PDK3: variants seen among roughly 807,000 people sequenced by gnomAD.
The protein encoded by PDK3 is pyruvate dehydrogenase kinase 3.
In PDK3, 12 loss-of-function variants were observed where a neutral mutation model predicts 32.0. The ratio of observed to expected loss-of-function variants is 0.37; its 90% CI spans 0.24 to 0.61. The LOEUF is 0.61. Ranked by LOEUF, PDK3 falls within the 20% of genes least tolerant of loss-of-function variation. PDK3 has a pLI of 0.65. For missense variants in PDK3, 188 were observed against 316.9 expected, an observed-to-expected ratio of 0.59 and a Z score of 3.09; for synonymous variants, 122 against 116.3, an observed-to-expected ratio of 1.05 and a Z score of -0.31.
intron 6 of PDK3, among the ~76,000 whole-genome samples, chrX:24,522,098 T>G (rs1412422173): frequency 1.8e-5 from 2 of 112,224 alleles, no homozygotes; most frequent in Admixed American, 1.9e-4. Flanking sequence ...TGGTATTTCT[T>G]AAATGCTGTT....
chrX:24,465,696 G>A, intron 1 of PDK3, 135 bp downstream of exon 1: 2 of 499,214 alleles, frequency 4.0e-6, no homozygotes, highest in Admixed American at 3.9e-5. Flanking sequence ...GGGCTCTCCT[G>A]GGGCTCGGAT....
At chrX:24,526,530 C>G (rs1419022775) in intron 7 of PDK3, among the ~76,000 whole-genome samples, 2 of 111,693 alleles carry the variant, frequency 1.8e-5, no homozygotes, top group East Asian at 5.5e-4. Flanking sequence ...TATGTAAAAT[C>G]CATACTGTTT....
downstream of PDK3, among the ~76,000 whole-genome samples, chrX:24,537,651 A>T (rs1922809744): frequency 9.0e-6 from 1 of 111,544 alleles, no homozygotes; most frequent in Admixed American, 9.5e-5. Context: ...TATTATCCTG[A>T]AAACCTTGAT....
At chrX:24,550,336 T>A (rs770487980) in exon 12 of PDK3, 180 of 112,288 alleles carry the variant, frequency 1.6e-3, no homozygotes, top group African/African-American at 5.4e-3. Flanking sequence ...CAGAGAAGCA[T>A]GTGACTCAGA....
chrX:24,468,942 C>T (rs1940087013), intron 1 of PDK3, among the ~76,000 whole-genome samples: 1 of 111,986 alleles, frequency 8.9e-6, no homozygotes, highest in Non-Finnish European at 1.9e-5. Context: ...CCCACTTGTG[C>T]CCACTGGCCT....
intron 1 of PDK3, among the ~76,000 whole-genome samples, chrX:24,489,056 T>A (rs1004246324): frequency 2.4e-4 from 27 of 111,944 alleles, no homozygotes; most frequent in Middle Eastern, 4.6e-3. Flanking sequence ...AACAGAACCC[T>A]CTGGCGAGGA....
At chrX:24,508,133 A>G (rs1469587716) in intron 5 of PDK3, among the ~76,000 whole-genome samples, 1 of 111,928 alleles carries the variant, frequency 8.9e-6, no homozygotes, top group Admixed American at 9.5e-5. Flanking sequence ...ATGGCTTGGG[A>G]GTCCTCAGGA....
chrX:24,466,720 T>A (rs1344669757), intron 1 of PDK3, among the ~76,000 whole-genome samples: 5 of 111,637 alleles, frequency 4.5e-5, no homozygotes, highest in Non-Finnish European at 9.4e-5. Flanking sequence ...TGCCAGAGAA[T>A]GATGATGAAA....
At chrX:24,535,948 GAAGGAAGGA>G (rs1271816817), downstream of PDK3, among the ~76,000 whole-genome samples, 3 of 88,485 alleles carry the variant, frequency 3.4e-5, no homozygotes, top group Middle Eastern at 6.2e-3. Context: ...GGAAGGAAAA[GAAGGAAGGA>G]AAGGAAGGAA....
exon 12 of PDK3, chrX:24,548,705 A>G (rs1447792703): frequency 8.9e-6 from 1 of 112,353 alleles, no homozygotes; most frequent in African/African-American, 3.2e-5. Flanking sequence ...GTTTTAAAAT[A>G]TTCATACCTT....
chrX:24,531,595 A>T (rs751961624), intron 9 of PDK3, 62 bp from the exon 10 acceptor site: 1 of 581,711 alleles, frequency 1.7e-6, no homozygotes, highest in Non-Finnish European at 2.9e-6. Flanking sequence ...CTGAATGGTC[A>T]TCATATAAAA....
At chrX:24,528,959 C>G (rs1007267079) in intron 9 of PDK3, among the ~76,000 whole-genome samples, 1 of 112,384 alleles carries the variant, frequency 8.9e-6, no homozygotes, top group African/African-American at 3.2e-5. Flanking sequence ...TAAAGTCGTA[C>G]CTGACTGATA....
At chrX:24,479,704 G>C (rs1921200181) in intron 1 of PDK3, among the ~76,000 whole-genome samples, 1 of 110,515 alleles carries the variant, frequency 9.0e-6, no homozygotes, top group African/African-American at 3.3e-5. Context: ...AGAATCGCTT[G>C]AACCAGGGAG....
chrX:24,529,332 A>G (rs1458512439), intron 9 of PDK3, among the ~76,000 whole-genome samples: 1 of 111,815 alleles, frequency 8.9e-6, no homozygotes, highest in African/African-American at 3.3e-5. Context: ...CAGTTAACGC[A>G]TGCGCACTCC....
In PDK3 at chrX:24,490,587, C is replaced by A. The variant is rs183997258; in HGVS notation, c.107-4155C>A. Among the ~76,000 whole-genome samples, 8 of 112,112 alleles carry A rather than the reference C, an allele frequency of 7.1e-5. No individual in the cohort carries two copies. The East Asian group carries it at 2.2e-3, about 31-fold the overall frequency. On this transcript the variant is annotated intron_variant, in intron 1 of 10. Coordinates refer to ENST00000379162, the MANE Select transcript of PDK3 (RefSeq NM_005391.5). ...ATTTTGTGGCAAAACCAGACCTGAACTGACTTGATTCCATAGTCCTTATCC... is the reference window on the plus strand; with the variant it reads ...ATTTTGTGGCAAAACCAGACCTGAAATGACTTGATTCCATAGTCCTTATCC...
intron 6 of PDK3, 55 bp downstream of exon 6, chrX:24,519,065 T>G (rs1452456863): frequency 2.7e-6 from 2 of 748,737 alleles, no homozygotes; most frequent in East Asian, 6.5e-5. Context: ...AAGAAGCTGT[T>G]TATACCTAAG....
At chrX:24,494,606 A>T in intron 1 of PDK3, 136 bp from the exon 2 acceptor site, 1 of 380,115 alleles carries the variant, frequency 2.6e-6, no homozygotes, top group East Asian at 4.5e-5. Context: ...ATTTCAAAGG[A>T]TAAAAATTCA....
chrX:24,475,312 G>A (rs1921087108), intron 1 of PDK3, among the ~76,000 whole-genome samples: 1 of 110,000 alleles, frequency 9.1e-6, no homozygotes, highest in Non-Finnish European at 1.9e-5. Flanking sequence ...TTTAGTTGAG[G>A]GTAAAGATAT....
At chrX:24,550,160 A>G (rs1274832755) in exon 12 of PDK3, 1 of 112,205 alleles carries the variant, frequency 8.9e-6, no homozygotes, top group Non-Finnish European at 1.9e-5. Context: ...CAGTGTTGCC[A>G]AGGAGCTTTG....
Sources: allele counts gnomAD v4.1 joint callset (sites outside exome capture counted in the v4.1 genomes callset), GRCh38; gene constraint gnomAD v4.1.1; transcripts MANE v1.5; gene names NCBI Gene and HGNC (gene_info 2026-07-23, HGNC 2026-07-21).